CEP83: variants seen among roughly 807,000 people sequenced by gnomAD.
CEP83 encodes the protein centrosomal protein of 83 kDa.
CEP83 carries 70 observed loss-of-function variants against 101.9 expected under a neutral mutation model. That is an observed-to-expected ratio of 0.69 (90% CI 0.57 to 0.84). The LOEUF (loss-of-function observed/expected upper bound fraction) is 0.84. Ranked by LOEUF, CEP83 falls within the 40% of genes least tolerant of loss-of-function variation. The pLI is 0.00. For missense variants in CEP83, 715 were observed against 787.2 expected, an observed-to-expected ratio of 0.91 and a Z score of 1.10; for synonymous variants, 264 against 267.9, an observed-to-expected ratio of 0.99 and a Z score of 0.14.
chr12:94,278,078 A>G, the CEP83 span: 4 of 455,888 alleles, frequency 8.8e-6, no homozygotes, highest in South Asian at 6.2e-5. Context: ...CTGTCTCTGT[A>G]TGGGCGAGCA....
the CEP83 span, among the ~76,000 whole-genome samples, chr12:94,271,848 G>A: frequency 1.3e-5 from 2 of 152,122 alleles, no homozygotes; most frequent in Non-Finnish European, 2.9e-5. Flanking sequence ...GTTATTTATT[G>A]ATGATGTGGG....
chr12:94,452,041 A>C (rs2067292476), intron 1 of CEP83, among the ~76,000 whole-genome samples: 1 of 152,214 alleles, frequency 6.6e-6, no homozygotes, highest in African/African-American at 2.4e-5. Context: ...ACATTGATAT[A>C]CATACATTAA....
intron 4 of CEP83, among the ~76,000 whole-genome samples, chr12:94,404,594 G>A (rs1031140583): frequency 7.2e-5 from 11 of 152,104 alleles, no homozygotes; most frequent in African/African-American, 2.7e-4. Context: ...ACTCTGGCTG[G>A]AAACAAAAGG....
chr12:94,270,529 G>A, the CEP83 span, among the ~76,000 whole-genome samples: 1 of 152,152 alleles, frequency 6.6e-6, no homozygotes, highest in African/African-American at 2.4e-5. Flanking sequence ...CAATGGAAAT[G>A]CCTTGCCACT....
chr12:94,298,533 C>A, the CEP83 span: 1 of 995,862 alleles, frequency 1.0e-6, no homozygotes, highest in Non-Finnish European at 1.5e-6. Context: ...CTGTTTTGAA[C>A]ATTATTTTCT....
intron 6 of CEP83, among the ~76,000 whole-genome samples, chr12:94,392,463 CA>C (rs2062609150): frequency 1.3e-5 from 2 of 152,124 alleles, no homozygotes; most frequent in South Asian, 4.1e-4. Context: ...CACAATGTAC[CA>C]GAATCTCTGG....
intron 14 of CEP83, among the ~76,000 whole-genome samples, chr12:94,327,197 C>T (rs1479412355): frequency 6.6e-6 from 1 of 152,120 alleles, no homozygotes; most frequent in Non-Finnish European, 1.5e-5. Flanking sequence ...CAATATGACA[C>T]AAAGGACTAA....
chr12:94,291,215 T>C, the CEP83 span, among the ~76,000 whole-genome samples: 1 of 152,262 alleles, frequency 6.6e-6, no homozygotes, highest in Non-Finnish European at 1.5e-5. Context: ...ATTTAAAATC[T>C]GTGGCAATTC....
chr12:94,371,119 C>T (rs2061283777), intron 8 of CEP83, among the ~76,000 whole-genome samples: 1 of 152,156 alleles, frequency 6.6e-6, no homozygotes, highest in South Asian at 2.1e-4. Flanking sequence ...ACAAGCTAAG[C>T]ATTACATGTA....
intron 2 of CEP83, among the ~76,000 whole-genome samples, chr12:94,426,510 T>C (rs556042596): frequency 8.5e-5 from 13 of 152,292 alleles, no homozygotes; most frequent in Admixed American, 5.9e-4. Context: ...AAATAACAAA[T>C]GAACAAATAA....
At chr12:94,420,273 C>T (rs2064619269) in intron 2 of CEP83, among the ~76,000 whole-genome samples, 1 of 152,160 alleles carries the variant, frequency 6.6e-6, no homozygotes, top group Admixed American at 6.5e-5. Context: ...TAATTCCTCT[C>T]CTGGGCATAT....
intron 6 of CEP83, among the ~76,000 whole-genome samples, chr12:94,384,915 T>C (rs937724610): frequency 9.2e-5 from 14 of 152,234 alleles, no homozygotes; most frequent in African/African-American, 3.1e-4. Context: ...GTGTTTTACA[T>C]TCAGTTTCAG....
At chr12:94,321,076 ATTC>A (rs761260121) in intron 14 of CEP83, among the ~76,000 whole-genome samples, 6 of 151,720 alleles carry the variant, frequency 4.0e-5, no homozygotes, top group African/African-American at 7.3e-5. Flanking sequence ...ATTCTTTTCT[ATTC>A]TTCTTTTTTA....
chr12:94,428,104 C>A (rs1313390643), intron 2 of CEP83, among the ~76,000 whole-genome samples: 1 of 152,206 alleles, frequency 6.6e-6, no homozygotes, highest in Admixed American at 6.5e-5. Flanking sequence ...TCTATTTTTA[C>A]GATTGTACTG....
chr12:94,333,058 A>C (rs1048365876), intron 13 of CEP83, among the ~76,000 whole-genome samples: 1 of 151,158 alleles, frequency 6.6e-6, no homozygotes, highest in African/African-American at 2.4e-5. Flanking sequence ...AAAAAAAAAA[A>C]AAAAAAACAA....
chr12:94,359,823 CA>C (rs999108401), intron 11 of CEP83, among the ~76,000 whole-genome samples: 1 of 151,560 alleles, frequency 6.6e-6, no homozygotes, highest in Non-Finnish European at 1.5e-5. Context: ...AGGGACACAA[CA>C]AAAAAAAGAG....
At chr12:94,362,432 C>CAACA (rs1565988845) in intron 11 of CEP83, among the ~76,000 whole-genome samples, 1 of 152,088 alleles carries the variant, frequency 6.6e-6, no homozygotes, top group Non-Finnish European at 1.5e-5. Flanking sequence ...CCAGCCTGGC[C>CAACA]AACACAGTGA....
chr12:94,410,791 T>C (rs1566122814), intron 4 of CEP83, among the ~76,000 whole-genome samples: 1 of 152,172 alleles, frequency 6.6e-6, no homozygotes, highest in African/African-American at 2.4e-5. Flanking sequence ...GTCCTAAATA[T>C]ACCTAGGAAT....
intron 1 of CEP83, among the ~76,000 whole-genome samples, chr12:94,455,451 T>A (rs1174727979): frequency 6.6e-6 from 1 of 152,210 alleles, no homozygotes; most frequent in African/African-American, 2.4e-5. Context: ...AGTAACTGAA[T>A]CAAACGAATA....
Sources: gnomAD v4.1 joint callset for allele counts (sites outside exome capture counted in the v4.1 genomes callset) on GRCh38, gnomAD v4.1.1 for gene constraint, MANE v1.5 for transcripts, NCBI Gene and HGNC (gene_info 2026-07-23, HGNC 2026-07-21) for gene names.